PDE7B: variants seen among roughly 807,000 people sequenced by gnomAD.
PDE7B encodes phosphodiesterase 7B.
PDE7B carries 29 observed loss-of-function variants against 56.2 expected under a neutral mutation model. The observed-to-expected ratio is 0.52, with a 90% CI of 0.38 to 0.70. The LOEUF (loss-of-function observed/expected upper bound fraction) is 0.70. Ranked by LOEUF, PDE7B falls within the 30% of genes least tolerant of loss-of-function variation. The probability of loss-of-function intolerance (pLI) is 0.00; values close to 1 mark genes in which losing one functional copy is unlikely to be tolerated. For synonymous variants in PDE7B, 197 were observed against 196.9 expected, an observed-to-expected ratio of 1.00 and a Z score of 0.00; for missense variants, 490 against 565.0, an observed-to-expected ratio of 0.87 and a Z score of 1.35.
intron 8 of PDE7B, among the ~76,000 whole-genome samples, chr6:136,167,728 A>G (rs1348931784): frequency 1.3e-5 from 2 of 152,234 alleles, no homozygotes; most frequent in Admixed American, 1.3e-4. Flanking sequence ...AGAACATAGT[A>G]AGTGCTCAAT....
intron 11 of PDE7B, among the ~76,000 whole-genome samples, chr6:136,182,268 A>G (rs1253347601): frequency 2.6e-5 from 4 of 152,198 alleles, no homozygotes; most frequent in Non-Finnish European, 5.9e-5. Context: ...TCAGAATAAA[A>G]GTGCTCATGT....
chr6:136,122,996 C>A (rs1366508006), intron 3 of PDE7B, among the ~76,000 whole-genome samples: 8 of 152,184 alleles, frequency 5.3e-5, no homozygotes. Context: ...TACTGAGCAC[C>A]TATGTGTCAG....
intron 3 of PDE7B, among the ~76,000 whole-genome samples, chr6:136,131,485 T>A (rs1778115415): frequency 6.9e-6 from 1 of 145,606 alleles, no homozygotes; most frequent in African/African-American, 2.5e-5. Flanking sequence ...TCCCTGTGCA[T>A]CCTGGCAGGT....
intron 3 of PDE7B, among the ~76,000 whole-genome samples, chr6:136,138,840 T>C (rs1051094716): frequency 1.3e-5 from 2 of 152,098 alleles, no homozygotes; most frequent in Non-Finnish European, 2.9e-5. Flanking sequence ...TGATGACCAA[T>C]TCATTCAAAA....
chr6:136,115,007 G>A (rs750945505), intron 3 of PDE7B: 3 of 152,112 alleles, frequency 2.0e-5, no homozygotes, highest in Admixed American at 1.3e-4. Flanking sequence ...GACAGAGTTG[G>A]CGATGTCCCG....
At chr6:136,163,814 A>G (rs1369536913) in intron 8 of PDE7B, among the ~76,000 whole-genome samples, 4 of 152,224 alleles carry the variant, frequency 2.6e-5, no homozygotes, top group Non-Finnish European at 5.9e-5. Context: ...GCATAGCAAG[A>G]GTCACTTTTA....
intron 2 of PDE7B, among the ~76,000 whole-genome samples, chr6:135,971,990 T>C (rs1423002067): frequency 6.6e-6 from 1 of 151,996 alleles, no homozygotes; most frequent in Non-Finnish European, 1.5e-5. Context: ...ATCCCAGCAC[T>C]TTGGGAGGCA....
rs1027548144 is a variant in PDE7B at position 136,186,943 on chromosome 6, A to C, written c.1046-93A>C. The C allele has an allele frequency of 4.0e-5, 30 of 743,356 alleles. 1 individual carries two copies. In the African/African-American group the frequency reaches 5.1e-4, roughly 13 times the overall value. 46.0% of individuals were successfully genotyped at this position (743,356 alleles called of 1,614,324 possible). ...GTCAGGAAACAGTAATTCCCAGAAT[A>C]ACTTCTTCCGACGAGGTCATTAAAA... is the stretch of plus-strand genomic sequence containing the variant. On this transcript the variant is annotated intron_variant, in intron 11 of 12. Coordinates refer to ENST00000308191, the MANE Select transcript of PDE7B (RefSeq NM_018945.4).
chr6:136,032,747 A>T (rs1191006598), intron 2 of PDE7B, among the ~76,000 whole-genome samples: 1 of 152,226 alleles, frequency 6.6e-6, no homozygotes, highest in East Asian at 1.9e-4. Flanking sequence ...GTCAACTGTG[A>T]TATCATATAG....
At position 136,194,750 on chromosome 6, in the gene PDE7B, G is replaced by T. The variant is rs535860930; in HGVS notation, c.*2910G>T. ...TACTAAAAATACAAAAATTAGCTGG[G>T]CATGGCAGTGCGTGCCTGCAATCCC... On this transcript the variant is annotated 3_prime_UTR_variant, in exon 13 of 13. Transcript: ENST00000308191. The T allele has an allele frequency of 6.6e-6, 1 of 152,396 alleles. No homozygotes were observed. The highest frequency in any genetic ancestry group is 6.5e-5 in the Admixed American group (1 of 15,302). 9.4% of individuals were successfully genotyped at this position (152,396 alleles called of 1,614,324 possible).
intron 3 of PDE7B, among the ~76,000 whole-genome samples, chr6:136,129,940 T>C (rs1778088131): frequency 6.6e-6 from 1 of 152,162 alleles, no homozygotes; most frequent in Admixed American, 6.5e-5. Flanking sequence ...CCCCTCACTT[T>C]CATCCCCTGC....
intron 2 of PDE7B, among the ~76,000 whole-genome samples, chr6:135,998,415 A>T (rs1251974094): frequency 1.3e-5 from 2 of 152,204 alleles, no homozygotes; most frequent in Non-Finnish European, 2.9e-5. Context: ...GTAATGTGAT[A>T]TTTATCTTGA....
chr6:135,886,201 ATTGTAG>A (rs141483964), intron 1 of PDE7B, among the ~76,000 whole-genome samples: 1,567 of 152,228 alleles, frequency 0.01, 28 homozygotes, highest in African/African-American at 0.036. Flanking sequence ...GTGTCCTTAT[ATTGTAG>A]TTGTAATGAA....
chr6:136,057,273 C>G (rs1325313861), intron 2 of PDE7B, among the ~76,000 whole-genome samples: 1 of 152,162 alleles, frequency 6.6e-6, no homozygotes, highest in African/African-American at 2.4e-5. Flanking sequence ...AATTCACATT[C>G]CCTCATCCAT....
At chr6:136,158,784 G>C (rs1778655365) in intron 8 of PDE7B, among the ~76,000 whole-genome samples, 1 of 152,162 alleles carries the variant, frequency 6.6e-6, no homozygotes, top group South Asian at 2.1e-4. Flanking sequence ...GTCCAGGGTG[G>C]ACTGGGAGGA....
At chr6:135,925,012 G>A (rs200955576) in intron 1 of PDE7B, among the ~76,000 whole-genome samples, 1 of 100,694 alleles carries the variant, frequency 9.9e-6, no homozygotes, top group Non-Finnish European at 2.0e-5. Context: ...TTTTTTTTTT[G>A]TAAAATGGGG....
intron 2 of PDE7B, among the ~76,000 whole-genome samples, chr6:136,055,828 A>C (rs960030137): frequency 5.9e-5 from 9 of 152,156 alleles, no homozygotes; most frequent in Non-Finnish European, 1.2e-4. Flanking sequence ...GCGGGGTCTA[A>C]AGGAACCAGA....
chr6:136,012,315 T>C (rs1775908723), intron 2 of PDE7B, among the ~76,000 whole-genome samples: 1 of 152,176 alleles, frequency 6.6e-6, no homozygotes, highest in Non-Finnish European at 1.5e-5. Context: ...GCCCCCACAC[T>C]GTGAATTTTA....
At chr6:136,125,434 C>T (rs1473042144) in intron 3 of PDE7B, among the ~76,000 whole-genome samples, 2 of 151,864 alleles carry the variant, frequency 1.3e-5, no homozygotes, top group African/African-American at 4.8e-5. Context: ...CATGGTGGTG[C>T]ACACATGTAG....
Sources: allele counts gnomAD v4.1 joint callset (sites outside exome capture counted in the v4.1 genomes callset), GRCh38; gene constraint gnomAD v4.1.1; transcripts MANE v1.5; gene names NCBI Gene and HGNC (gene_info 2026-07-23, HGNC 2026-07-21).